Variants in CNST observed in about 807,000 individuals in gnomAD.
The protein encoded by CNST is consortin.
Under a neutral mutation model 72.4 loss-of-function variants are expected in CNST, and 39 were observed. The observed-to-expected ratio is 0.54, with a 90% CI of 0.42 to 0.70. The LOEUF (loss-of-function observed/expected upper bound fraction) is 0.70, where lower values mean the gene tolerates loss of function less well. CNST is among the 30% of genes least tolerant of loss of function. The pLI is 0.00. For missense variants in CNST, 871 were observed against 868.5 expected (o/e 1.00, Z -0.04); for synonymous variants, 332 against 320.1 (o/e 1.04, Z -0.40).
intron 3 of CNST, 96 bp downstream of exon 3, chr1:246,621,730 C>T: frequency 1.9e-6 from 2 of 1,065,568 alleles, no homozygotes; most frequent in Non-Finnish European, 2.9e-6. Flanking sequence ...CGCAGTGGCT[C>T]ATGCCTGTAA....
intron 4 of CNST, chr1:246,632,315 G>A (rs1664821956): frequency 3.4e-6 from 1 of 298,396 alleles, no homozygotes; most frequent in Admixed American, 3.6e-5. Context: ...GTGCGCCACA[G>A]ACTTGGGACC....
chr1:246,596,137 C>T (rs1473049674), intron 2 of CNST, among the ~76,000 whole-genome samples: 1 of 151,958 alleles, frequency 6.6e-6, no homozygotes, highest in African/African-American at 2.4e-5. Flanking sequence ...CATTATAGGG[C>T]GGGTGCACTG....
chr1:246,631,674 C>G (rs1325063975), intron 3 of CNST, among the ~76,000 whole-genome samples: 2 of 152,158 alleles, frequency 1.3e-5, no homozygotes, highest in Non-Finnish European at 2.9e-5. Context: ...TGTGTAAACA[C>G]CAAAGAACGT....
chr1:246,635,539 C>T (rs899366404), intron 6 of CNST, among the ~76,000 whole-genome samples: 5 of 152,290 alleles, frequency 3.3e-5, no homozygotes, highest in Admixed American at 6.5e-5. Context: ...TTTCCATTAT[C>T]GTCTATGTTA....
At chr1:246,602,955 A>C (rs1424225867) in intron 2 of CNST, among the ~76,000 whole-genome samples, 1 of 152,014 alleles carries the variant, frequency 6.6e-6, no homozygotes, top group Non-Finnish European at 1.5e-5. Flanking sequence ...TGCAGAGAGA[A>C]GGTGAAAAAG....
Position 246,577,119 on chromosome 1 carries a change from CTTTCA to C in CNST, c.-52+10462_-52+10466del, listed in dbSNP as rs530233649. ...TTTTGAAGATTACTAAGATGGGCAT[CTTTCA>C]TTTCAGTAGGGAAAAGAACATGTGC... On this transcript the variant is annotated intron_variant, in intron 1 of 10. Transcript: ENST00000366513. Among the ~76,000 whole-genome samples, 73 of 152,148 alleles carry C rather than the reference CTTTCA, an allele frequency of 4.8e-4. 1 individual carries two copies. The highest frequency in any genetic ancestry group is 1.7e-3 in the African/African-American group (70 of 41,442).
At chr1:246,644,907 G>T (rs1223845652) in intron 8 of CNST, among the ~76,000 whole-genome samples, 1 of 152,068 alleles carries the variant, frequency 6.6e-6, no homozygotes, top group Non-Finnish European at 1.5e-5. Context: ...TTTAACAGAG[G>T]GAGGGGCAGA....
chr1:246,595,275 C>T (rs1220486857), intron 2 of CNST, among the ~76,000 whole-genome samples: 2 of 152,052 alleles, frequency 1.3e-5, no homozygotes, highest in Non-Finnish European at 2.9e-5. Flanking sequence ...GGAAAGCTTC[C>T]CTCAGAGTTT....
intron 2 of CNST, chr1:246,607,312 C>T (rs1160671375): frequency 1.3e-5 from 2 of 152,046 alleles, no homozygotes; most frequent in East Asian, 1.9e-4. Flanking sequence ...CGGGCTCCCC[C>T]GCATACCCAG....
chr1:246,594,038 T>A (rs546241008), intron 2 of CNST, among the ~76,000 whole-genome samples: 1 of 152,338 alleles, frequency 6.6e-6, no homozygotes, highest in South Asian at 2.1e-4. Context: ...CCCAAAGTGT[T>A]GGGATTACAG....
At chr1:246,656,043 A>C (rs1259293139) in intron 9 of CNST, among the ~76,000 whole-genome samples, 1 of 152,224 alleles carries the variant, frequency 6.6e-6, no homozygotes, top group Non-Finnish European at 1.5e-5. Context: ...CTGGCACTTA[A>C]GTTATTTGTC....
chr1:246,616,771 T>C (rs905857580), intron 2 of CNST, among the ~76,000 whole-genome samples: 2 of 152,032 alleles, frequency 1.3e-5, no homozygotes, highest in Non-Finnish European at 2.9e-5. Context: ...GCCAGGATGG[T>C]CTCAATCTCT....
In CNST at chr1:246,664,581, C is replaced by T. The variant is rs954539103; in HGVS notation, c.1973-1119C>T. On this transcript the variant is annotated intron_variant, in intron 10 of 10. Transcript: ENST00000366513. ...AGCTGAGACTATAGGCACCTGCCAC[C>T]ACGCCCAGCTGATTTTTTATATTTT... 5.9e-5 allele frequency among the ~76,000 whole-genome samples: 9 copies of T among 152,254 alleles called. No homozygotes were observed. The South Asian group carries it at 1.0e-3, about 18-fold the overall frequency.
chr1:246,640,891 C>T (rs1053725151), intron 6 of CNST, among the ~76,000 whole-genome samples: 12 of 152,136 alleles, frequency 7.9e-5, no homozygotes, highest in East Asian at 3.9e-4. Flanking sequence ...TTTGCATAGA[C>T]GTATATGTCT....
chr1:246,666,011 G>C lies in CNST; in HGVS notation c.*106G>C. The C allele has an allele frequency of 2.6e-6, 2 of 774,344 alleles. No individual in the cohort carries two copies. The highest frequency in any genetic ancestry group is 2.7e-5 in the East Asian group (1 of 37,500). 48.0% of individuals were successfully genotyped at this position (774,344 alleles called of 1,614,324 possible). A position where few individuals can be genotyped will look rare whatever the true frequency, so the allele number is the denominator to read the frequency against. On this transcript the variant is annotated 3_prime_UTR_variant, in exon 11 of 11. Transcript: ENST00000366513. ...GTAGCATTCCCCCTTCCCTCTGTTA[G>C]GAACCAAGGACATCAGAAATAGCAA...
At chr1:246,618,114 C>A (rs1663821422) in intron 2 of CNST, among the ~76,000 whole-genome samples, 1 of 152,178 alleles carries the variant, frequency 6.6e-6, no homozygotes, top group Non-Finnish European at 1.5e-5. Flanking sequence ...AGGTGGGTAA[C>A]CTTACCTTCC....
At chr1:246,582,191 G>C (rs779888889) in intron 1 of CNST, among the ~76,000 whole-genome samples, 1 of 152,160 alleles carries the variant, frequency 6.6e-6, no homozygotes, top group Non-Finnish European at 1.5e-5. Flanking sequence ...CGACTTTGCT[G>C]TTGCTGTTTT....
intron 2 of CNST, among the ~76,000 whole-genome samples, chr1:246,616,841 C>T (rs1485749083): frequency 6.6e-6 from 1 of 151,854 alleles, no homozygotes; most frequent in East Asian, 2.0e-4. Context: ...GGGTAAGCCA[C>T]TGCGCCCGGC....
intron 1 of CNST, among the ~76,000 whole-genome samples, chr1:246,589,303 C>G (rs1661392420): frequency 6.9e-6 from 1 of 145,592 alleles, no homozygotes; most frequent in African/African-American, 2.6e-5. Context: ...TGTGATGTTC[C>G]CCTTCCTGTG....
Sources: allele counts gnomAD v4.1 joint callset (sites outside exome capture counted in the v4.1 genomes callset), GRCh38; gene constraint gnomAD v4.1.1; transcripts MANE v1.5; gene names NCBI Gene and HGNC (gene_info 2026-07-23, HGNC 2026-07-21).